The following CHKA variants were observed in gnomAD, a reference collection of about 807,000 sequenced individuals.
The protein encoded by CHKA is CHETK-alpha.
Under a neutral mutation model 60.1 loss-of-function variants are expected in CHKA, and 34 were observed. The ratio of observed to expected loss-of-function variants is 0.57; its 90% CI spans 0.43 to 0.75. CHKA has a LOEUF of 0.75. Among genes scored for constraint, CHKA ranks in the 30% least tolerant of loss-of-function variants. CHKA has a pLI of 0.00. For missense variants in CHKA, 563 were observed against 561.3 expected (o/e 1.00, Z -0.03); for synonymous variants, 217 against 223.1 (o/e 0.97, Z 0.24).
chr11:68,067,198 C>G (rs1029161158), intron 7 of CHKA, among the ~76,000 whole-genome samples: 1 of 152,224 alleles, frequency 6.6e-6, no homozygotes, highest in African/African-American at 2.4e-5. Context: ...CACCAGTGAG[C>G]CAACCTTCGC....
intron 1 of CHKA, among the ~76,000 whole-genome samples, chr11:68,099,881 G>A (rs1857646998): frequency 6.6e-6 from 1 of 152,212 alleles, no homozygotes; most frequent in Non-Finnish European, 1.5e-5. Flanking sequence ...AAGAAGGAAG[G>A]CAGACTAGCT....
chr11:68,070,873 G>A lies in CHKA; in HGVS notation c.631-16C>T. 6.2e-7 allele frequency: 1 copy of A among 1,602,340 alleles called. No individual in the cohort carries two copies. Among genetic ancestry groups the A allele is most frequent in the Non-Finnish European group, 8.5e-7 (1 of 1,171,816 alleles). On this transcript the variant is annotated splice_polypyrimidine_tract_variant and intron_variant, in intron 4 of 11. Transcript: ENST00000265689. ...ATCGCCGGCTCTGAAAAAGAAAAGGGAGTTAAAAACTGACATTTACCAAGT... is the reference window on the plus strand; with the variant it reads ...ATCGCCGGCTCTGAAAAAGAAAAGGAAGTTAAAAACTGACATTTACCAAGT...
chr11:68,108,996 G>A (rs1858025100), intron 1 of CHKA, among the ~76,000 whole-genome samples: 1 of 139,700 alleles, frequency 7.2e-6, no homozygotes, highest in African/African-American at 2.6e-5. Context: ...AGCTCTACGA[G>A]TTCCTTACAG....
intron 10 of CHKA, among the ~76,000 whole-genome samples, 169 bp downstream of exon 10, chr11:68,064,356 C>T (rs557378828): frequency 1.3e-5 from 2 of 151,354 alleles, no homozygotes; most frequent in Middle Eastern, 3.4e-3. Flanking sequence ...TGCAGTGAGC[C>T]GAGATTGCGC....
In CHKA at chr11:68,064,618, G is replaced by C; in HGVS notation, c.1139C>G (p.Ser380Cys). The change falls in exon 10 of 12, where the codon TCC becomes TGC. Residue 380 changes from serine to cysteine, a missense_variant. Transcript: ENST00000265689. Reference protein sequence around the residue: ...PTKKQQLHFISSYLPAFQNDF... With the variant: ...PTKKQQLHFICSYLPAFQNDF... The stretch of plus-strand genomic sequence containing the variant: ...ATTTTGGAATGCAGGCAAGTAACTG[G>C]AAATAAAATGGAGCTTAAAAAAAAG... 1 of 1,582,256 alleles carries C rather than the reference G, an allele frequency of 6.3e-7. No homozygotes were observed. Among genetic ancestry groups the C allele is most frequent in the South Asian group, 1.2e-5 (1 of 84,988 alleles).
intron 11 of CHKA, among the ~76,000 whole-genome samples, chr11:68,059,328 GT>G (rs1257667598): frequency 2.6e-5 from 4 of 152,062 alleles, no homozygotes; most frequent in Non-Finnish European, 5.9e-5. Context: ...TAATCATACG[GT>G]TTTTCACCTT....
intron 2 of CHKA, among the ~76,000 whole-genome samples, chr11:68,090,960 T>C (rs369091509): frequency 1.2e-4 from 19 of 152,296 alleles, no homozygotes; most frequent in African/African-American, 2.6e-4. Flanking sequence ...ACAGGTTACA[T>C]TGAATGAACA....
At chr11:68,111,955 A>C (rs1490981044) in intron 1 of CHKA, among the ~76,000 whole-genome samples, 4 of 144,940 alleles carry the variant, frequency 2.8e-5, no homozygotes, top group Non-Finnish European at 6.0e-5. Context: ...CAGGAGGCTG[A>C]GGCAGGAGAA....
intron 11 of CHKA, among the ~76,000 whole-genome samples, 176 bp from the exon 12 acceptor site, chr11:68,054,223 A>G (rs1157079587): frequency 1.3e-5 from 2 of 152,176 alleles, no homozygotes; most frequent in Admixed American, 1.3e-4. Context: ...CTACAGGTGC[A>G]GGCTCCTCAA....
intron 3 of CHKA, among the ~76,000 whole-genome samples, chr11:68,080,540 GT>G (rs1343294618): frequency 6.6e-6 from 1 of 152,026 alleles, no homozygotes; most frequent in African/African-American, 2.4e-5. Flanking sequence ...TAGAGACGGG[GT>G]TTCACCTTGT....
At chr11:68,069,658 T>C (rs941399387) in intron 6 of CHKA, among the ~76,000 whole-genome samples, 1 of 148,484 alleles carries the variant, frequency 6.7e-6, no homozygotes, top group Admixed American at 6.8e-5. Context: ...CACTCCAGCC[T>C]GGCAACAAAG....
chr11:68,096,256 G>C (rs955144975), intron 2 of CHKA, among the ~76,000 whole-genome samples: 5 of 148,770 alleles, frequency 3.4e-5, no homozygotes, highest in Admixed American at 1.3e-4. Flanking sequence ...AGCTACTTGG[G>C]AGGCTTAGGC....
At chr11:68,096,990 C>T in intron 2 of CHKA, 29 bp downstream of exon 2, 1 of 1,494,978 alleles carries the variant, frequency 6.7e-7, no homozygotes, top group African/African-American at 1.4e-5. Flanking sequence ...AACAGGATCC[C>T]CCCCTCCCAA....
rs866894888 is a variant in CHKA, at chr11:68,105,536, A to G, written c.351-8406T>C. On this transcript the variant is annotated intron_variant, in intron 1 of 11. Coordinates refer to ENST00000265689, the MANE Select transcript of CHKA (RefSeq NM_001277.3). ...TCTCAAAAAAAAAAAAAAAAAAAAA[A>G]AAAAGAAAAGAAAAAGAAAGAAATA... 5.8e-3 allele frequency among the ~76,000 whole-genome samples: 875 copies of G among 150,714 alleles called. 10 individuals are homozygous for G. The highest frequency in any genetic ancestry group is 0.02 in the African/African-American group (817 of 40,984).
intron 5 of CHKA, among the ~76,000 whole-genome samples, 196 bp from the exon 6 acceptor site, chr11:68,070,489 T>C (rs1565176351): frequency 6.6e-6 from 1 of 152,168 alleles, no homozygotes; most frequent in Non-Finnish European, 1.5e-5. Flanking sequence ...GTGACTTTCT[T>C]CTGTCCCTTC....
At chr11:68,067,293 T>G (rs946513631) in intron 7 of CHKA, among the ~76,000 whole-genome samples, 1 of 152,106 alleles carries the variant, frequency 6.6e-6, no homozygotes, top group Non-Finnish European at 1.5e-5. Flanking sequence ...CCATTTAGAG[T>G]AGCAATTACA....
chr11:68,119,377 G>C (rs1858516866), intron 1 of CHKA, among the ~76,000 whole-genome samples: 2 of 152,322 alleles, frequency 1.3e-5, no homozygotes, highest in South Asian at 4.1e-4. Flanking sequence ...ACTGGACTTG[G>C]GGATTACTGG....
intron 11 of CHKA, among the ~76,000 whole-genome samples, chr11:68,060,057 C>T (rs1227447956): frequency 9.4e-6 from 1 of 106,290 alleles, no homozygotes; most frequent in Non-Finnish European, 2.0e-5. Flanking sequence ...CCCAGAGTCT[C>T]GCTCTGTCGC....
At chr11:68,096,800 G>A (rs558052202) in intron 2 of CHKA, among the ~76,000 whole-genome samples, 48 of 152,240 alleles carry the variant, frequency 3.2e-4, no homozygotes, top group African/African-American at 1.1e-3. Context: ...GGGAATACTT[G>A]CACTAGTTTA....
Sources: gnomAD v4.1 joint callset for allele counts (sites outside exome capture counted in the v4.1 genomes callset) on GRCh38, gnomAD v4.1.1 for gene constraint, MANE v1.5 for transcripts, NCBI Gene and HGNC (gene_info 2026-07-23, HGNC 2026-07-21) for gene names.